Variants in DCC observed in about 807,000 individuals in gnomAD.
The protein encoded by DCC is DCC netrin 1 receptor.
Under a neutral mutation model 172.5 loss-of-function variants are expected in DCC, and 58 were observed. The ratio of observed to expected loss-of-function variants is 0.34; its 90% CI spans 0.27 to 0.42. DCC has a LOEUF of 0.42. Among genes scored for constraint, DCC ranks in the 10% least tolerant of loss-of-function variants. The pLI, the probability that DCC is intolerant of heterozygous loss-of-function variation, is 1.00. For synonymous variants in DCC, 709 were observed against 644.5 expected (o/e 1.10, Z -1.52); for missense variants, 1,740 against 1,791.0 (o/e 0.97, Z 0.51).
intron 1 of DCC, among the ~76,000 whole-genome samples, chr18:52,709,515 C>T (rs2036260957): frequency 6.6e-6 from 1 of 152,138 alleles, no homozygotes; most frequent in South Asian, 2.1e-4. Flanking sequence ...TGACATCTCC[C>T]AGTGACCGCT....
intron 27 of DCC, among the ~76,000 whole-genome samples, chr18:53,525,565 T>TTTA (rs2046445738): frequency 6.6e-6 from 1 of 152,122 alleles, no homozygotes; most frequent in Admixed American, 6.6e-5. Flanking sequence ...ATTAGATTTA[T>TTTA]TTATTATTTT....
intron 2 of DCC, among the ~76,000 whole-genome samples, chr18:52,854,355 G>A (rs1030663380): frequency 2.6e-5 from 4 of 152,070 alleles, no homozygotes; most frequent in Non-Finnish European, 5.9e-5. Flanking sequence ...AGGTTTGGCT[G>A]GGTATTTCTG....
At position 53,526,639 on chromosome 18, in the gene DCC, T is replaced by A; in HGVS notation, c.4134T>A (p.His1378Gln). Residue 1378 changes from histidine (H) to glutamine (Q), a missense_variant, in exon 28 of 29, where the codon CAT (histidine) becomes CAA (glutamine). By Grantham distance (24) the His-to-Gln change is conservative. Transcript: ENST00000442544. The part of the protein sequence containing the change: ...SQPGPTLPKT[H>Q]VKTASLGLAG... The stretch of plus-strand genomic sequence containing the variant: ...CAGGGCCCACTCTTCCTAAGACCCA[T>A]GTGAAAACAGCCTCCCTTGGGTTGG... 6.2e-7 allele frequency: 1 copy of A among 1,613,552 alleles called. No homozygotes were observed. Among genetic ancestry groups the A allele is most frequent in the Non-Finnish European group, 8.5e-7 (1 of 1,179,640 alleles).
intron 5 of DCC, among the ~76,000 whole-genome samples, chr18:52,943,999 C>A (rs946262984): frequency 6.6e-6 from 1 of 152,192 alleles, no homozygotes; most frequent in South Asian, 2.1e-4. Context: ...CTCAAGTGAT[C>A]TGCCTTCCTC....
intron 1 of DCC, among the ~76,000 whole-genome samples, chr18:52,731,438 C>A (rs1315404306): frequency 2.6e-5 from 4 of 152,200 alleles, no homozygotes; most frequent in Non-Finnish European, 5.9e-5. Flanking sequence ...TTAATGGTTA[C>A]AAAACAGATA....
rs148317602 is a variant in DCC, at chr18:52,840,922, A to G, written c.413-65122A>G. On this transcript the variant is annotated intron_variant, in intron 2 of 28. Coordinates refer to ENST00000442544, the MANE Select transcript of DCC (RefSeq NM_005215.4). ...AAGGAGAAATGATAAACAGGGAAAC[A>G]TAAATAAACCTGCTACCTTCTGAAA... 1.3e-3 allele frequency among the ~76,000 whole-genome samples: 193 copies of G among 151,932 alleles called. 2 individuals are homozygous for G. Among genetic ancestry groups the G allele is most frequent in the East Asian group, 2.7e-3 (14 of 5,130 alleles).
intron 12 of DCC, among the ~76,000 whole-genome samples, chr18:53,264,134 A>G (rs2056638807): frequency 6.6e-6 from 1 of 152,104 alleles, no homozygotes; most frequent in Non-Finnish European, 1.5e-5. Context: ...TGGTCCTTAC[A>G]TTTCATAAAG....
chr18:52,815,436 ACG>A (rs1491313155), intron 2 of DCC, among the ~76,000 whole-genome samples: 4 of 138,156 alleles, frequency 2.9e-5, no homozygotes, highest in Admixed American at 2.2e-4. Flanking sequence ...ACACACACAC[ACG>A]TTCTCTCTCC....
rs75578377 is a variant in DCC at position 53,375,824 on chromosome 18, G to A, written c.2360-10219G>A. Reference sequence around the variant, plus strand: ...CTCTGAGGGCTCTCTGCCAAAGCACGGCTTACCAACTGGAGCAGGTAAGGA... The same window carrying A: ...CTCTGAGGGCTCTCTGCCAAAGCACAGCTTACCAACTGGAGCAGGTAAGGA... On this transcript the variant is annotated intron_variant, in intron 15 of 28. Transcript: ENST00000442544. Among the ~76,000 whole-genome samples, 780 of 152,114 alleles carry A rather than the reference G, an allele frequency of 5.1e-3. 7 individuals carry two copies. The highest frequency in any genetic ancestry group is 0.014 in the African/African-American group (591 of 41,504).
chr18:53,189,650 A>G (rs893284710), intron 9 of DCC, among the ~76,000 whole-genome samples: 1 of 152,216 alleles, frequency 6.6e-6, no homozygotes, highest in Non-Finnish European at 1.5e-5. Flanking sequence ...CATATTTGCT[A>G]TGCTCTTACC....
chr18:52,343,866 T>C (rs1983764023), intron 1 of DCC, among the ~76,000 whole-genome samples: 1 of 152,152 alleles, frequency 6.6e-6, no homozygotes. Context: ...TGCTTTTGAG[T>C]GGCGGGAGTA....
At chr18:53,028,375 C>T (rs1199317250) in intron 5 of DCC, among the ~76,000 whole-genome samples, 8 of 152,062 alleles carry the variant, frequency 5.3e-5, no homozygotes, top group Admixed American at 5.2e-4. Context: ...AATGAAGCCC[C>T]TGTCCCCCCA....
chr18:52,544,190 C>T (rs759223846), intron 1 of DCC, among the ~76,000 whole-genome samples: 11 of 152,132 alleles, frequency 7.2e-5, no homozygotes, highest in Non-Finnish European at 1.0e-4. Context: ...GTGAATTGAA[C>T]GATATTTGTT....
intron 5 of DCC, among the ~76,000 whole-genome samples, chr18:53,056,704 A>C (rs1021020755): frequency 3.3e-5 from 5 of 152,086 alleles, no homozygotes; most frequent in Non-Finnish European, 7.4e-5. Context: ...GTCCAAAGGC[A>C]CATGGCTCCA....
chr18:52,831,510 TG>T (rs1319118640), intron 2 of DCC, among the ~76,000 whole-genome samples: 6 of 152,110 alleles, frequency 3.9e-5, no homozygotes, highest in African/African-American at 1.4e-4. Context: ...GCAGCCGAAG[TG>T]TTGAGACGTG....
At chr18:52,858,057 T>C (rs2039081019) in intron 2 of DCC, among the ~76,000 whole-genome samples, 1 of 152,236 alleles carries the variant, frequency 6.6e-6, no homozygotes, top group Non-Finnish European at 1.5e-5. Flanking sequence ...CCTGATTTTC[T>C]AGTCAAAACA....
chr18:52,742,749 A>T (rs1244753545), intron 1 of DCC, among the ~76,000 whole-genome samples: 4 of 148,108 alleles, frequency 2.7e-5, no homozygotes, highest in Non-Finnish European at 4.6e-5. Context: ...TCCAAGTAGA[A>T]GTGAGAACTA....
At chr18:52,835,493 T>C (rs2038688766) in intron 2 of DCC, among the ~76,000 whole-genome samples, 1 of 152,204 alleles carries the variant, frequency 6.6e-6, no homozygotes, top group African/African-American at 2.4e-5. Flanking sequence ...TTGAAGGAAA[T>C]ATGACTGAAT....
At chr18:53,135,678 A>C (rs1360480585) in intron 7 of DCC, among the ~76,000 whole-genome samples, 2 of 152,072 alleles carry the variant, frequency 1.3e-5, no homozygotes, top group African/African-American at 4.8e-5. Context: ...TCTTGCATTT[A>C]TTTATGTTAT....
Sources: gnomAD v4.1 joint callset for allele counts (sites outside exome capture counted in the v4.1 genomes callset) on GRCh38, gnomAD v4.1.1 for gene constraint, MANE v1.5 for transcripts, NCBI Gene and HGNC (gene_info 2026-07-23, HGNC 2026-07-21) for gene names.